AKAP9: variants seen among roughly 807,000 people sequenced by gnomAD.
AKAP9 encodes A-kinase anchoring protein 9.
A neutral mutation model predicts 488.5 loss-of-function variants in AKAP9; 311 were observed. The ratio of observed to expected loss-of-function variants is 0.64; its 90% CI spans 0.58 to 0.70. The LOEUF (loss-of-function observed/expected upper bound fraction) is 0.70, where lower values mean the gene tolerates loss of function less well. Among genes scored for constraint, AKAP9 ranks in the 30% least tolerant of loss-of-function variants. The pLI, the probability that AKAP9 is intolerant of heterozygous loss-of-function variation, is 0.00. For synonymous variants in AKAP9, 1,462 were observed against 1,483.5 expected (o/e 0.99, Z 0.33); for missense variants, 4,215 against 4,374.5 (o/e 0.96, Z 1.03).
intron 16 of AKAP9, among the ~76,000 whole-genome samples, chr7:92,034,541 C>A (rs1311703179): frequency 8.4e-6 from 1 of 118,800 alleles, no homozygotes; most frequent in South Asian, 2.6e-4. Flanking sequence ...TCACTCTTGT[C>A]GCCAGGCTGG....
In AKAP9 at chr7:92,079,858, A is replaced by G; in HGVS notation, c.7725A>G (p.Gln2575=). The G allele has an allele frequency of 6.2e-7, 1 of 1,614,134 alleles. No homozygotes were observed. The highest frequency in any genetic ancestry group is 8.5e-7 in the Non-Finnish European group (1 of 1,179,996). Residue 2575 remains glutamine, a synonymous_variant, in exon 31 of 50, where the codon CAA becomes CAG. Coordinates refer to ENST00000356239, the MANE Select transcript of AKAP9 (RefSeq NM_005751.5). ...QEYAKFCQDN[Q]TISSEPERTN... is the part of the protein sequence containing the mutation. ...ATGCAAAATTCTGTCAAGATAATCA[A>G]ACAATTTCATCAGAACCTGAAAGAA...
chr7:92,011,059 G>A (rs937274264), intron 8 of AKAP9, among the ~76,000 whole-genome samples: 12 of 152,052 alleles, frequency 7.9e-5, no homozygotes, highest in East Asian at 1.9e-4. Context: ...TTTCTTAACC[G>A]CAGTAATTGT....
At chr7:91,971,714 C>A (rs915436470) in intron 1 of AKAP9, among the ~76,000 whole-genome samples, 1 of 151,490 alleles carries the variant, frequency 6.6e-6, no homozygotes, top group Non-Finnish European at 1.5e-5. Context: ...ATTACAGGCG[C>A]CTGCCACCAC....
intron 1 of AKAP9, among the ~76,000 whole-genome samples, chr7:91,942,779 T>C (rs1284280008): frequency 6.6e-6 from 1 of 152,190 alleles, no homozygotes; most frequent in Non-Finnish European, 1.5e-5. Context: ...TTCTTTATCT[T>C]TCAGAATTCT....
intron 1 of AKAP9, among the ~76,000 whole-genome samples, chr7:91,962,740 T>C (rs1434324149): frequency 6.6e-6 from 1 of 152,178 alleles, no homozygotes; most frequent in African/African-American, 2.4e-5. Context: ...AGCACTATAA[T>C]AGAAAAATTC....
intron 12 of AKAP9, among the ~76,000 whole-genome samples, chr7:92,019,621 A>G (rs915686321): frequency 9.9e-5 from 15 of 150,824 alleles, no homozygotes; most frequent in African/African-American, 3.4e-4. Context: ...GGAATGTCAT[A>G]TACATATATA....
intron 47 of AKAP9, among the ~76,000 whole-genome samples, chr7:92,106,568 A>G (rs1162298933): frequency 1.3e-5 from 2 of 152,208 alleles, no homozygotes; most frequent in Non-Finnish European, 2.9e-5. Flanking sequence ...ACAATATTCA[A>G]ACAAGTTTCT....
chr7:92,040,594 G>T (rs1032474292), intron 17 of AKAP9, 80 bp from the exon 18 acceptor site: 2 of 994,448 alleles, frequency 2.0e-6, no homozygotes, highest in African/African-American at 1.7e-5. Flanking sequence ...TTTCGTATTT[G>T]TTTACAATAT....
chr7:91,983,418 A>G lies in AKAP9; in HGVS notation c.351+3085A>G, dbSNP rs1355955524. 2.0e-5 allele frequency among the ~76,000 whole-genome samples: 3 copies of G among 152,266 alleles called. No individual in the cohort carries two copies. The East Asian group carries it at 5.8e-4, about 29-fold the overall frequency. ...ATGGCTGCATAGTATTCCATGGTGT[A>G]TATGTGCCACATTTTGTTAATCCAG... On this transcript the variant is annotated intron_variant, in intron 3 of 49. Transcript: ENST00000356239.
chr7:91,947,506 C>A (rs1455176898), intron 1 of AKAP9, among the ~76,000 whole-genome samples: 2 of 152,050 alleles, frequency 1.3e-5, no homozygotes, highest in East Asian at 3.9e-4. Flanking sequence ...CCACACCCGG[C>A]TAGGTTTTTA....
intron 26 of AKAP9, among the ~76,000 whole-genome samples, chr7:92,068,281 G>T (rs1359190878): frequency 6.7e-6 from 1 of 149,270 alleles, no homozygotes; most frequent in Non-Finnish European, 1.5e-5. Flanking sequence ...CAGGAGAATG[G>T]CATGAATTCA....
rs1431000261 is a variant in AKAP9, at chr7:92,009,766, A to G, written c.3319-2663A>G. ...TGGCTGTAGAAATCTTAAATAAAAT[A>G]TTAGCAAATTATTCTAAGAATGGAA... On this transcript the variant is annotated intron_variant, in intron 8 of 49. Coordinates refer to ENST00000356239, the MANE Select transcript of AKAP9 (RefSeq NM_005751.5). 2.6e-5 allele frequency among the ~76,000 whole-genome samples: 4 copies of G among 152,256 alleles called. No homozygotes were observed. The South Asian group carries it at 6.2e-4, about 24-fold the overall frequency.
intron 2 of AKAP9, among the ~76,000 whole-genome samples, chr7:91,978,644 G>T (rs1554392234): frequency 6.6e-6 from 1 of 152,068 alleles, no homozygotes; most frequent in Non-Finnish European, 1.5e-5. Flanking sequence ...CTGTAAAGGT[G>T]TTATAACAAA....
At chr7:92,085,006 C>A (rs775263344) in intron 35 of AKAP9, 66 bp downstream of exon 35, 22 of 1,561,934 alleles carry the variant, frequency 1.4e-5, no homozygotes, top group African/African-American at 6.8e-5. Flanking sequence ...CATAGCAGTT[C>A]ATTAGAAGTT....
intron 1 of AKAP9, among the ~76,000 whole-genome samples, chr7:91,949,180 A>G (rs935280720): frequency 5.9e-5 from 9 of 151,964 alleles, no homozygotes; most frequent in African/African-American, 1.9e-4. Context: ...TCCTTTCCGT[A>G]TGTGTGGAGA....
intron 17 of AKAP9, 62 bp from the exon 18 acceptor site, chr7:92,040,612 G>A: frequency 8.2e-7 from 1 of 1,220,642 alleles, no homozygotes; most frequent in Admixed American, 2.1e-5. Context: ...TATTAATGCT[G>A]ACAGATTTTT....
chr7:91,972,822 C>T (rs1795253269), intron 1 of AKAP9, among the ~76,000 whole-genome samples: 2 of 152,022 alleles, frequency 1.3e-5, no homozygotes, highest in South Asian at 4.1e-4. Flanking sequence ...AAAGGTGGCT[C>T]TAGGATAGGA....
At chr7:91,957,045 T>C (rs567215713) in intron 1 of AKAP9, among the ~76,000 whole-genome samples, 1 of 152,310 alleles carries the variant, frequency 6.6e-6, no homozygotes, top group South Asian at 2.1e-4. Context: ...AAAAACTTTT[T>C]GTAACGCGAA....
At chr7:91,970,379 G>A in intron 1 of AKAP9, 1 of 420,318 alleles carries the variant, frequency 2.4e-6, no homozygotes, top group South Asian at 1.8e-5. Flanking sequence ...TACAGTATTA[G>A]AGTATTGTGG....
Sources: gnomAD v4.1 joint callset for allele counts (sites outside exome capture counted in the v4.1 genomes callset) on GRCh38, gnomAD v4.1.1 for gene constraint, MANE v1.5 for transcripts, NCBI Gene and HGNC (gene_info 2026-07-23, HGNC 2026-07-21) for gene names.